The following CARF variants were observed in gnomAD, a reference collection of about 807,000 sequenced individuals.
The protein encoded by CARF is calcium responsive transcription factor.
A neutral mutation model predicts 82.0 loss-of-function variants in CARF; 57 were observed. The ratio of observed to expected loss-of-function variants is 0.70; its 90% CI spans 0.56 to 0.87. CARF has a LOEUF of 0.87. Ranked by LOEUF, CARF falls within the 40% of genes least tolerant of loss-of-function variation. The pLI is 0.00. For synonymous variants in CARF, 268 were observed against 290.1 expected, an observed-to-expected ratio of 0.92 and a Z score of 0.77; for missense variants, 771 against 855.8, an observed-to-expected ratio of 0.90 and a Z score of 1.24.
chr2:202,928,184 A>G (rs953036086), intron 3 of CARF, among the ~76,000 whole-genome samples: 35 of 152,156 alleles, frequency 2.3e-4, no homozygotes, highest in African/African-American at 8.4e-4. Context: ...CTTCTATGAA[A>G]TCAACCTTTT....
rs771483184 is a variant in CARF, at chr2:202,981,644, T to C, written c.1648T>C (p.Ser550Pro). The change falls in exon 15 of 17, where the codon TCA (serine) becomes CCA (proline). Residue 550 changes from serine (S) to proline (P), a missense_variant. By Grantham distance (74) the Ser-to-Pro change is moderately conservative. Transcript: ENST00000438828. The stretch of plus-strand genomic sequence containing the variant: ...TCCTGAGCCAACCCACTTGCTCTCC[T>C]CACTCTCCTCATTTCAGCCCAAAAT... ...LSPEPTHLLS[S>P]LSSFQPKIFT... The C allele has an allele frequency of 1.2e-6, 2 of 1,612,224 alleles. No individual in the cohort carries two copies. Among genetic ancestry groups the C allele is most frequent in the Admixed American group, 3.3e-5 (2 of 59,988 alleles).
chr2:202,937,136 G>A (rs576243930), intron 3 of CARF, among the ~76,000 whole-genome samples: 14 of 152,192 alleles, frequency 9.2e-5, no homozygotes, highest in African/African-American at 3.4e-4. Flanking sequence ...TCTCGATTCT[G>A]TTGTATTTAT....
intron 3 of CARF, among the ~76,000 whole-genome samples, chr2:202,926,237 A>G (rs1414532181): frequency 1.3e-5 from 2 of 152,154 alleles, no homozygotes; most frequent in African/African-American, 4.8e-5. Context: ...CCTTAAGGGA[A>G]CCTAGGGTGG....
At chr2:202,928,168 T>C (rs759323986) in intron 3 of CARF, among the ~76,000 whole-genome samples, 68 of 152,266 alleles carry the variant, frequency 4.5e-4, no homozygotes, top group Non-Finnish European at 9.0e-4. Context: ...ATTATTCTAC[T>C]CCCTACTTCT....
rs1441294646 is a variant in CARF at position 202,974,341 on chromosome 2, G to A, written c.1339G>A (p.Val447Met). 1.3e-6 allele frequency: 2 copies of A among 1,577,928 alleles called. No homozygotes were observed. Among genetic ancestry groups the A allele is most frequent in the Non-Finnish European group, 8.5e-7 (1 of 1,170,154 alleles). ...YAVRKQLRKFVERELFKPDEV... is the reference protein window; with the variant it reads ...YAVRKQLRKFMERELFKPDEV... ...ATTTTGTATTCTTTACAGAAAATTT[G>A]TGGAAAGGGAACTGTTCAAACCCGA... The change falls in exon 13 of 17, where the codon GTG becomes ATG. Residue 447 changes from valine (V) to methionine (M), a missense_variant. Coordinates refer to ENST00000438828, the MANE Select transcript of CARF (RefSeq NM_024744.17).
chr2:202,923,634 C>A (rs1276154121), intron 2 of CARF, among the ~76,000 whole-genome samples: 1 of 152,142 alleles, frequency 6.6e-6, no homozygotes, highest in Non-Finnish European at 1.5e-5. Context: ...TCCTAAAATT[C>A]ATGTGGAACT....
intron 3 of CARF, chr2:202,925,893 G>C (rs576912230): frequency 5.9e-6 from 1 of 168,876 alleles, no homozygotes; most frequent in South Asian, 1.4e-4. Flanking sequence ...ACCACCAGTG[G>C]CTACTCAAGG....
At chr2:202,925,634 G>A in intron 3 of CARF, 1 of 239,736 alleles carries the variant, frequency 4.2e-6, no homozygotes, top group Non-Finnish European at 8.3e-6. Context: ...AGGCCAGAGG[G>A]CTTCCTTGGA....
rs151298418 is a variant in CARF, at chr2:202,970,167, C to T, written c.1097+105C>T. ...GTTTTCCAACTATTTCATTAAGTAA[C>T]GGTTTTATAAGGTAGAGATATCAAT... is the stretch of plus-strand genomic sequence containing the variant. On this transcript the variant is annotated intron_variant, in intron 11 of 16. Transcript: ENST00000438828. 2.4e-3 allele frequency: 2,600 copies of T among 1,072,356 alleles called. 3 individuals carry two copies. The highest frequency in any genetic ancestry group is 6.4e-3 in the Middle Eastern group (21 of 3,256). 66.4% of individuals were successfully genotyped at this position (1,072,356 alleles called of 1,614,324 possible).
Position 202,953,996 on chromosome 2 carries a change from G to T in CARF, c.428-9G>T, listed in dbSNP as rs1003779972. 14 of 1,586,840 alleles carry T rather than the reference G, an allele frequency of 8.8e-6. No homozygotes were observed. The African/African-American group carries it at 1.9e-4, about 22-fold the overall frequency. ...TTGATGTTACTTTGTTCTTGTTTTT[G>T]TTGTTAAGATGTCCCTGAAGAGAAA... On this transcript the variant is annotated splice_polypyrimidine_tract_variant and intron_variant, in intron 6 of 16. Transcript: ENST00000438828.
At chr2:202,967,610 A>T (rs1212153872) in intron 10 of CARF, among the ~76,000 whole-genome samples, 4 of 152,098 alleles carry the variant, frequency 2.6e-5, no homozygotes, top group Non-Finnish European at 5.9e-5. Flanking sequence ...ATAATATTCC[A>T]TTTATGGATG....
chr2:202,959,119 T>C (rs552324037), intron 8 of CARF, among the ~76,000 whole-genome samples: 6 of 152,192 alleles, frequency 3.9e-5, no homozygotes, highest in Non-Finnish European at 7.4e-5. Context: ...TAAGTATATA[T>C]AGTTCTGATT....
intron 5 of CARF, among the ~76,000 whole-genome samples, chr2:202,949,056 C>T (rs542773469): frequency 6.6e-6 from 1 of 152,160 alleles, no homozygotes; most frequent in Non-Finnish European, 1.5e-5. Context: ...AATGTCTCAG[C>T]TGGGCCTGGT....
chr2:202,980,955 C>A (rs762228395), intron 14 of CARF, among the ~76,000 whole-genome samples: 1 of 151,982 alleles, frequency 6.6e-6, no homozygotes, highest in East Asian at 1.9e-4. Flanking sequence ...GTCCTGGAAC[C>A]AGTCTTCCAT....
chr2:202,913,157 C>T (rs1467070733), intron 1 of CARF, 55 bp downstream of exon 1: 1 of 152,068 alleles, frequency 6.6e-6, no homozygotes, highest in African/African-American at 2.4e-5. Context: ...TAAAGATGTC[C>T]TACTGTAAGG....
chr2:202,953,948 TTCTTATGG>T, intron 6 of CARF, 49 bp from the exon 7 acceptor site: 1 of 1,481,932 alleles, frequency 6.7e-7, no homozygotes, highest in Non-Finnish European at 9.0e-7. Flanking sequence ...GTTAGGTATA[TTCTTATGG>T]TCTTATTCAA....
intron 3 of CARF, among the ~76,000 whole-genome samples, chr2:202,936,145 T>C (rs1488130568): frequency 6.6e-6 from 1 of 152,186 alleles, no homozygotes; most frequent in African/African-American, 2.4e-5. Context: ...ATTCCTTTTT[T>C]TTCATGGAAT....
chr2:202,978,321 G>A (rs1429170172), intron 14 of CARF, among the ~76,000 whole-genome samples: 1 of 152,134 alleles, frequency 6.6e-6, no homozygotes, highest in Non-Finnish European at 1.5e-5. Context: ...GCCATATTGG[G>A]GTGATTGAAG....
At position 202,961,124 on chromosome 2, in the gene CARF, G is replaced by A. The variant is rs2059303599; in HGVS notation, c.643-113G>A. 4 of 819,540 alleles carry A rather than the reference G, an allele frequency of 4.9e-6. No individual in the cohort carries two copies. The East Asian group carries it at 1.1e-4, about 22-fold the overall frequency. The allele number at this position is 819,540 out of a possible 1,614,324, so 50.8% of individuals were successfully genotyped here. A position where few individuals can be genotyped will look rare whatever the true frequency, so the allele number is the denominator to read the frequency against. On this transcript the variant is annotated intron_variant, in intron 8 of 16. Coordinates refer to ENST00000438828, the MANE Select transcript of CARF (RefSeq NM_024744.17). The stretch of plus-strand genomic sequence containing the variant: ...AGACCATTGATCTGAGGGCACAAAT[G>A]ACATTCTCTTGTGAAAGGTGATGAG...
Sources: gnomAD v4.1 joint callset for allele counts (sites outside exome capture counted in the v4.1 genomes callset) on GRCh38, gnomAD v4.1.1 for gene constraint, MANE v1.5 for transcripts, NCBI Gene and HGNC (gene_info 2026-07-23, HGNC 2026-07-21) for gene names.